Variants in MROH2A observed in about 807,000 individuals in gnomAD.
MROH2A encodes maestro heat-like repeat-containing protein family member 2A.
A neutral mutation model predicts 200.4 loss-of-function variants in MROH2A; 174 were observed. That is an observed-to-expected ratio of 0.87 (90% confidence interval 0.77 to 0.98). MROH2A has a LOEUF of 0.98. Among genes scored for constraint, MROH2A ranks in the 50% least tolerant of loss-of-function variants. MROH2A has a pLI of 0.00. For missense variants in MROH2A, 2,045 were observed against 2,139.6 expected, an observed-to-expected ratio of 0.96 and a Z score of 0.87; for synonymous variants, 829 against 840.4, an observed-to-expected ratio of 0.99 and a Z score of 0.23.
At chr2:233,802,037 G>A in intron 14 of MROH2A, 131 bp from the exon 15 acceptor site, 1 of 1,050,308 alleles carries the variant, frequency 9.5e-7, no homozygotes, top group Non-Finnish European at 1.3e-6. Flanking sequence ...CCAGTTCAGG[G>A]CTGAGACTGT....
intron 27 of MROH2A, 95 bp downstream of exon 27, chr2:233,816,980 T>A: frequency 2.6e-6 from 2 of 767,356 alleles, no homozygotes; most frequent in East Asian, 5.6e-5. Context: ...ACTTATGAAA[T>A]CAAGTTCTGT....
Position 233,800,318 on chromosome 2 carries a change from G to C in MROH2A, c.1560+3G>C. Reference sequence around the variant, plus strand: ...CTTCTGTCAGTGGGATGACCACCGTGAGTGGGCCCTGCCCCACCCGCACAG... The same window carrying C: ...CTTCTGTCAGTGGGATGACCACCGTCAGTGGGCCCTGCCCCACCCGCACAG... On this transcript the variant is annotated splice_donor_region_variant and intron_variant, in intron 14 of 41. Coordinates refer to ENST00000389758, the MANE Select transcript of MROH2A (RefSeq NM_001394639.1). The C allele has an allele frequency of 6.5e-7, 1 of 1,536,186 alleles. No homozygotes were observed. Among genetic ancestry groups the C allele is most frequent in the Non-Finnish European group, 8.8e-7 (1 of 1,136,654 alleles).
chr2:233,793,997 G>A (rs1422700700), intron 7 of MROH2A, among the ~76,000 whole-genome samples, 173 bp downstream of exon 7: 1 of 152,164 alleles, frequency 6.6e-6, no homozygotes, highest in African/African-American at 2.4e-5. Flanking sequence ...GAACAGCTGG[G>A]ACCTAGGAGC....
At position 233,804,209 on chromosome 2, in the gene MROH2A, G is replaced by T; in HGVS notation, c.1891+17G>T. 2 of 1,550,014 alleles carry T rather than the reference G, an allele frequency of 1.3e-6. No individual in the cohort carries two copies. The highest frequency in any genetic ancestry group is 1.7e-4 in the Middle Eastern group (1 of 5,878). On this transcript the variant is annotated intron_variant, in intron 17 of 41. Coordinates refer to ENST00000389758, the MANE Select transcript of MROH2A (RefSeq NM_001394639.1). ...ACCTGGAAGGTGAGGTTCCTGGGGA[G>T]CCCATCCCAAGCCAACCCTCCAATC...
chr2:233,829,260 G>A (rs1010115400), intron 37 of MROH2A, among the ~76,000 whole-genome samples, 188 bp downstream of exon 37: 3 of 152,180 alleles, frequency 2.0e-5, no homozygotes, highest in African/African-American at 7.2e-5. Flanking sequence ...AATCAGTGCT[G>A]TCAAGTGACG....
chr2:233,785,467 CAAAAA>C (rs34259208), intron 3 of MROH2A, among the ~76,000 whole-genome samples: 1 of 110,742 alleles, frequency 9.0e-6, no homozygotes, highest in Admixed American at 9.9e-5. Flanking sequence ...GACTTTGTCT[CAAAAA>C]AAAAAAAAAA....
Position 233,789,621 on chromosome 2 carries a change from T to A in MROH2A, c.401T>A (p.Ile134Asn). The A allele has an allele frequency of 6.9e-7, 1 of 1,457,506 alleles. No homozygotes were observed. Among genetic ancestry groups the A allele is most frequent in the Non-Finnish European group, 9.1e-7 (1 of 1,102,306 alleles). The allele number at this position is 1,457,506 out of a possible 1,614,324, so 90.3% of individuals were successfully genotyped here. ...ATTGCCTCCAAGGAGATGAGGGAGA[T>A]CCCAGAGGTAGGACCCCAAGCTCCA... ...VAIASKEMREIPEMEGYMKAE... is the reference protein window; with the variant it reads ...VAIASKEMRENPEMEGYMKAE... Residue 134 changes from isoleucine (I) to asparagine (N), a missense_variant, in exon 4 of 42, where the codon ATC becomes AAC. Ile to Asn is a moderately radical substitution (Grantham distance 149). Coordinates refer to ENST00000389758, the MANE Select transcript of MROH2A (RefSeq NM_001394639.1).
chr2:233,812,971 T>G (rs1214476287), intron 24 of MROH2A, among the ~76,000 whole-genome samples: 3 of 152,132 alleles, frequency 2.0e-5, no homozygotes, highest in African/African-American at 7.2e-5. Context: ...AGGGGCACAA[T>G]AGAACTCATG....
chr2:233,811,939 G>C lies in MROH2A; in HGVS notation c.2631G>C (p.Met877Ile), dbSNP rs1351266715. ...TTTCTCCAGTGCGAGCCTTGGCGAT[G>C]GAGGCCCTCTCGCACCTGAGGTGAG... is the stretch of plus-strand genomic sequence containing the variant. Reference protein sequence around the residue: ...NLVSPVRALAMEALSHLSKLK... With the variant: ...NLVSPVRALAIEALSHLSKLK... The change falls in exon 24 of 42, where the codon ATG becomes ATC. Residue 877 changes from methionine to isoleucine, a missense_variant. By Grantham distance (10) the Met-to-Ile change is conservative. Transcript: ENST00000389758. 52 of 1,550,006 alleles carry C rather than the reference G, an allele frequency of 3.4e-5. No individual in the cohort carries two copies. Among genetic ancestry groups the C allele is most frequent in the Non-Finnish European group, 4.4e-5 (51 of 1,146,762 alleles).
At position 233,795,633 on chromosome 2, in the gene MROH2A, C is replaced by T. The variant is rs1377447743; in HGVS notation, c.967-20C>T. On this transcript the variant is annotated intron_variant, in intron 8 of 41. Transcript: ENST00000389758. ...GAGTTGGTAGAAGGTCACCTGCCAC[C>T]ATTTGCCAATCCACTGCAGGTCTTG... The T allele has an allele frequency of 1.3e-6, 2 of 1,550,896 alleles. No individual in the cohort carries two copies. The highest frequency in any genetic ancestry group is 1.7e-6 in the Non-Finnish European group (2 of 1,147,058).
chr2:233,794,592 G>C, intron 8 of MROH2A, 86 bp downstream of exon 8: 1 of 696,220 alleles, frequency 1.4e-6, no homozygotes, highest in Admixed American at 2.7e-5. Context: ...AGTGGGAGCC[G>C]GGGGGATGTC....
At chr2:233,780,336 C>A (rs1239365625) in intron 3 of MROH2A, among the ~76,000 whole-genome samples, 1 of 152,176 alleles carries the variant, frequency 6.6e-6, no homozygotes, top group Non-Finnish European at 1.5e-5. Flanking sequence ...CAGAGCTGAT[C>A]CAAACCTTGC....
intron 40 of MROH2A, 98 bp downstream of exon 40, chr2:233,832,377 G>A (rs1253121548): frequency 9.4e-7 from 1 of 1,067,232 alleles, no homozygotes; most frequent in South Asian, 1.5e-5. Flanking sequence ...TGGGAGGCAT[G>A]TGGCAAGCTG....
rs1314545377 is a variant in MROH2A, at chr2:233,794,322, G to A, written c.823-41G>A. On this transcript the variant is annotated intron_variant, in intron 7 of 41. Coordinates refer to ENST00000389758, the MANE Select transcript of MROH2A (RefSeq NM_001394639.1). ...CTGAGGTCACTGGCCTTGCTGGAGG[G>A]TGGTGAGACAATGCGTCCCAGAGCT... 6 of 1,435,958 alleles carry A rather than the reference G, an allele frequency of 4.2e-6. No individual in the cohort carries two copies. In the South Asian group the frequency reaches 7.4e-5, roughly 18 times the overall value. 89.0% of individuals were successfully genotyped at this position (1,435,958 alleles called of 1,614,324 possible).
intron 24 of MROH2A, among the ~76,000 whole-genome samples, chr2:233,812,484 C>T (rs1486980170): frequency 6.6e-6 from 1 of 152,174 alleles, no homozygotes. Flanking sequence ...AATACCTCCC[C>T]TATAGGGGAA....
intron 37 of MROH2A, 34 bp downstream of exon 37, chr2:233,829,106 A>G: frequency 1.4e-6 from 2 of 1,472,176 alleles, no homozygotes; most frequent in Non-Finnish European, 1.8e-6. Flanking sequence ...GAGCTTGCTC[A>G]GTGAAGGAGG....
intron 6 of MROH2A, among the ~76,000 whole-genome samples, 165 bp from the exon 7 acceptor site, chr2:233,793,508 A>T (rs1215027794): frequency 6.6e-6 from 1 of 152,148 alleles, no homozygotes; most frequent in Non-Finnish European, 1.5e-5. Context: ...ACACACAGGC[A>T]CGCAGAGTAA....
chr2:233,796,221 T>C lies in MROH2A; in HGVS notation c.1160T>C (p.Leu387Pro). ...GCAGCTCGCTCCTACCCCAAGGAGCTGATGAAGTTCTTCTTCAGCCAGATG... is the reference window on the plus strand; with the variant it reads ...GCAGCTCGCTCCTACCCCAAGGAGCCGATGAAGTTCTTCTTCAGCCAGATG... The part of the protein sequence containing the change: ...VALARSYPKE[L>P]MKFFFSQMET... Residue 387 changes from leucine (L) to proline (P), a missense_variant, in exon 11 of 42, where the codon CTG becomes CCG. By Grantham distance (98) the Leu-to-Pro change is moderately conservative. This residue lies in a region of MROH2A where 831 missense variants were observed against 800.0 expected (regional missense o/e 1.04). Coordinates refer to ENST00000389758, the MANE Select transcript of MROH2A (RefSeq NM_001394639.1). The C allele has an allele frequency of 6.5e-7, 1 of 1,550,318 alleles. No individual in the cohort carries two copies. Among genetic ancestry groups the C allele is most frequent in the South Asian group, 1.2e-5 (1 of 84,034 alleles).
At chr2:233,798,686 G>T in intron 11 of MROH2A, 88 bp from the exon 12 acceptor site, 1 of 908,526 alleles carries the variant, frequency 1.1e-6, no homozygotes, top group South Asian at 1.4e-5. Context: ...TGTGGGAGGA[G>T]ACAGAACGTG....
Sources: gnomAD v4.1 joint callset for allele counts (sites outside exome capture counted in the v4.1 genomes callset) on GRCh38, gnomAD v4.1.1 for gene constraint, gnomAD v4.1.1 regional missense constraint, MANE v1.5 for transcripts, NCBI Gene and HGNC (gene_info 2026-07-23, HGNC 2026-07-21) for gene names.